The following ARHGAP19 variants were observed in gnomAD, a reference collection of about 807,000 sequenced individuals.
The protein encoded by ARHGAP19 is Rho GTPase activating protein 19.
Under a neutral mutation model 60.9 loss-of-function variants are expected in ARHGAP19, and 48 were observed. That is an observed-to-expected ratio of 0.79 (90% CI 0.62 to 1.00). ARHGAP19 has a LOEUF of 1.00. ARHGAP19 is among the 50% of genes least tolerant of loss of function. The probability of loss-of-function intolerance (pLI) is 0.00; values close to 1 mark genes in which losing one functional copy is unlikely to be tolerated. For synonymous variants in ARHGAP19, 209 were observed against 215.5 expected (o/e 0.97, Z 0.27); for missense variants, 562 against 597.2 (o/e 0.94, Z 0.61).
chr10:97,268,840 T>C (rs1228526937), intron 1 of ARHGAP19, among the ~76,000 whole-genome samples: 1 of 152,220 alleles, frequency 6.6e-6, no homozygotes, highest in East Asian at 1.9e-4. Context: ...CCCTTTTTAC[T>C]TCTAATATGT....
intron 8 of ARHGAP19, among the ~76,000 whole-genome samples, chr10:97,242,019 AAAAAAT>A (rs1393492317): frequency 2.7e-5 from 4 of 148,176 alleles, no homozygotes; most frequent in African/African-American, 7.5e-5. Context: ...CAAAAAAAAA[AAAAAAT>A]AATAATAATA....
intron 11 of ARHGAP19, among the ~76,000 whole-genome samples, chr10:97,228,533 A>G (rs1850941944): frequency 6.6e-6 from 1 of 152,208 alleles, no homozygotes; most frequent in Admixed American, 6.5e-5. Flanking sequence ...CAGAGGAATG[A>G]TAACTCCCAT....
At chr10:97,260,189 C>A (rs1390590018) in intron 4 of ARHGAP19, among the ~76,000 whole-genome samples, 1 of 151,438 alleles carries the variant, frequency 6.6e-6, no homozygotes, top group Non-Finnish European at 1.5e-5. Context: ...AGAAGGTATA[C>A]AAGTGGCCAA....
chr10:97,242,385 G>C (rs1158014762), intron 8 of ARHGAP19, among the ~76,000 whole-genome samples: 1 of 135,902 alleles, frequency 7.4e-6, no homozygotes, highest in African/African-American at 2.8e-5. Context: ...CCAGGCTGGA[G>C]TGCAATAGCA....
At chr10:97,262,117 T>G (rs1189571000) in intron 4 of ARHGAP19, among the ~76,000 whole-genome samples, 1 of 150,702 alleles carries the variant, frequency 6.6e-6, no homozygotes, top group East Asian at 2.0e-4. Flanking sequence ...TTTGGGAGAC[T>G]GAGGAGGGAG....
chr10:97,230,705 C>A (rs186316090), intron 9 of ARHGAP19, among the ~76,000 whole-genome samples: 23 of 152,108 alleles, frequency 1.5e-4, no homozygotes, highest in Admixed American at 1.4e-3. Flanking sequence ...AAAACTCTAG[C>A]CAAAAAAGGG....
intron 6 of ARHGAP19, among the ~76,000 whole-genome samples, chr10:97,255,538 A>G (rs1275469970): frequency 6.6e-6 from 1 of 152,112 alleles, no homozygotes; most frequent in Non-Finnish European, 1.5e-5. Context: ...GACTGTACCA[A>G]TGCACTCCAG....
chr10:97,225,973 GGT>G lies in ARHGAP19; in HGVS notation c.*147_*148del. On this transcript the variant is annotated 3_prime_UTR_variant, in exon 12 of 12. Transcript: ENST00000358531. ...ACATCATCCAGTGAGTGGGGTTAGA[GGT>G]ATCAGTCGGGTCACGGTATTAGTTG... 6.8e-6 allele frequency: 5 copies of G among 737,940 alleles called. No individual in the cohort carries two copies. The South Asian group carries it at 8.6e-5, about 13-fold the overall frequency. 45.7% of individuals were successfully genotyped at this position (737,940 alleles called of 1,614,324 possible).
intron 1 of ARHGAP19, among the ~76,000 whole-genome samples, chr10:97,268,510 G>A (rs968285041): frequency 2.6e-5 from 4 of 152,102 alleles, no homozygotes; most frequent in Admixed American, 6.6e-5. Context: ...CCAGAGACTC[G>A]GTAATTTACA....
chr10:97,223,728 G>A lies in ARHGAP19; in HGVS notation c.*2394C>T, dbSNP rs1007167087. 2.0e-5 allele frequency: 3 copies of A among 152,200 alleles called. No individual in the cohort carries two copies. The highest frequency in any genetic ancestry group is 6.5e-5 in the Admixed American group (1 of 15,276). 9.4% of individuals were successfully genotyped at this position (152,200 alleles called of 1,614,324 possible). The stretch of plus-strand genomic sequence containing the variant: ...ACAATACCTGCCCACCAAATCAGAA[G>A]GGAGACAGCAGCCTTCTGTGGCAAA... On this transcript the variant is annotated 3_prime_UTR_variant, in exon 12 of 12. Transcript: ENST00000358531.
rs1365233729 is a variant in ARHGAP19 at position 97,235,311 on chromosome 10, T to A, written c.1190A>T (p.Asn397Ile). 6.2e-7 allele frequency: 1 copy of A among 1,609,026 alleles called. No individual in the cohort carries two copies. The highest frequency in any genetic ancestry group is 1.7e-5 in the Admixed American group (1 of 59,840). Residue 397 changes from asparagine to isoleucine, a missense_variant, in exon 9 of 12, where the codon AAT (asparagine) becomes ATT (isoleucine). Transcript: ENST00000358531. ...AKKKQLIRQFNKQSLTQTPGR... is the reference protein window; with the variant it reads ...AKKKQLIRQFIKQSLTQTPGR... ...TGGTGTCTGGGTCAATGATTGCTTA[T>A]TAAACTAAAAGAAAACATGGAGAAC...
chr10:97,246,410 A>G, intron 6 of ARHGAP19, 73 bp from the exon 7 acceptor site: 2 of 1,198,492 alleles, frequency 1.7e-6, no homozygotes, highest in Non-Finnish European at 2.4e-6. Flanking sequence ...CCGCAAGGAC[A>G]GTGGTTCTCA....
At chr10:97,227,176 T>C (rs991239305) in intron 11 of ARHGAP19, among the ~76,000 whole-genome samples, 4 of 152,260 alleles carry the variant, frequency 2.6e-5, no homozygotes, top group African/African-American at 7.2e-5. Flanking sequence ...TTGATCACAG[T>C]AATAAAATTA....
At chr10:97,278,586 G>A (rs1267239591) in intron 1 of ARHGAP19, among the ~76,000 whole-genome samples, 1 of 151,996 alleles carries the variant, frequency 6.6e-6, no homozygotes, top group South Asian at 2.1e-4. Flanking sequence ...TGTCAAAGTG[G>A]CATAAATTTA....
intron 1 of ARHGAP19, among the ~76,000 whole-genome samples, chr10:97,273,484 CTTTTTTTTT>C (rs11442502): frequency 2.2e-5 from 2 of 92,498 alleles, no homozygotes; most frequent in South Asian, 4.1e-4. Context: ...TTTCTGCTCT[CTTTTTTTTT>C]TTTTTTTTTT....
intron 5 of ARHGAP19, 72 bp from the exon 6 acceptor site, chr10:97,256,476 C>T: frequency 4.6e-6 from 5 of 1,089,478 alleles, no homozygotes; most frequent in African/African-American, 1.6e-5. Context: ...TAAGCCTGTT[C>T]TTTCAAATGT....
rs915709316 is a variant in ARHGAP19 at position 97,259,298 on chromosome 10, A to G, written c.840+104T>C. On this transcript the variant is annotated intron_variant, in intron 5 of 11. Coordinates refer to ENST00000358531, the MANE Select transcript of ARHGAP19 (RefSeq NM_032900.6). ...GTAAGTTCCCAACCTCATAAAGCTG[A>G]AGGCTAGACCTTGGACCCTTGATAA... is the stretch of plus-strand genomic sequence containing the variant. 4.3e-6 allele frequency: 4 copies of G among 926,878 alleles called. No homozygotes were observed. In the East Asian group the frequency reaches 9.7e-5, roughly 22 times the overall value. The allele number at this position is 926,878 out of a possible 1,614,324, so 57.4% of individuals were successfully genotyped here.
intron 7 of ARHGAP19, among the ~76,000 whole-genome samples, chr10:97,245,195 C>A (rs1042873652): frequency 2.0e-5 from 3 of 151,904 alleles, no homozygotes; most frequent in Non-Finnish European, 2.9e-5. Flanking sequence ...TTGGTAGAGA[C>A]TGGGTTTGGC....
chr10:97,258,968 C>G (rs1408552950), intron 5 of ARHGAP19, among the ~76,000 whole-genome samples: 1 of 152,138 alleles, frequency 6.6e-6, no homozygotes, highest in African/African-American at 2.4e-5. Flanking sequence ...AGGATTGCTC[C>G]AAGTGTCATC....
Sources: allele counts gnomAD v4.1 joint callset (sites outside exome capture counted in the v4.1 genomes callset), GRCh38; gene constraint gnomAD v4.1.1; transcripts MANE v1.5; gene names NCBI Gene and HGNC (gene_info 2026-07-23, HGNC 2026-07-21).